FMR1: variants seen among roughly 807,000 people sequenced by gnomAD.
FMR1 encodes fragile X messenger ribonucleoprotein 1, also known as FMRP translational regulator 1.
FMR1 carries 13 observed loss-of-function variants against 50.6 expected under a neutral mutation model. The ratio of observed to expected loss-of-function variants is 0.26; its 90% CI spans 0.17 to 0.41. The LOEUF (loss-of-function observed/expected upper bound fraction) is 0.41. Among genes scored for constraint, FMR1 ranks in the 10% least tolerant of loss-of-function variants. The pLI is 1.00. For missense variants in FMR1, 316 were observed against 491.3 expected, an observed-to-expected ratio of 0.64 and a Z score of 3.37; for synonymous variants, 138 against 164.1, an observed-to-expected ratio of 0.84 and a Z score of 1.22.
chrX:147,911,962 A>T lies in FMR1; in HGVS notation c.-218A>T, dbSNP rs782530523. 1 of 106,972 alleles carries T rather than the reference A, an allele frequency of 9.3e-6. No homozygotes were observed. The highest frequency in any genetic ancestry group is 2.0e-5 in the Non-Finnish European group (1 of 51,192). The allele number at this position is 106,972 out of a possible 1,213,427, so 8.8% of individuals were successfully genotyped here. ...TCCGTTTCGGTTTCACTTCCGGTGGAGGGCCGCCTCTGAGCGGGCGGCGGG... is the reference window on the plus strand; with the variant it reads ...TCCGTTTCGGTTTCACTTCCGGTGGTGGGCCGCCTCTGAGCGGGCGGCGGG... On this transcript the variant is annotated 5_prime_UTR_variant, in exon 1 of 17. Transcript: ENST00000370475.
intron 11 of FMR1, 96 bp from the exon 12 acceptor site, chrX:147,938,003 G>T: frequency 1.5e-6 from 1 of 661,747 alleles, no homozygotes. Flanking sequence ...TTTAGAAATG[G>T]GTTTAAAAGT....
rs1557181239 is a variant in FMR1, at chrX:147,943,074, G to A, written c.1276-57G>A. ...TTTTTATCTGATGAAAAGGAGAAAGGTTTTATTAAGTAAAATGTCAAATTA... is the reference window on the plus strand; with the variant it reads ...TTTTTATCTGATGAAAAGGAGAAAGATTTTATTAAGTAAAATGTCAAATTA... On this transcript the variant is annotated intron_variant, in intron 13 of 16. Coordinates refer to ENST00000370475, the MANE Select transcript of FMR1 (RefSeq NM_002024.6). 6 of 1,008,087 alleles carry A rather than the reference G, an allele frequency of 6.0e-6. No individual in the cohort carries two copies. In the Admixed American group the frequency reaches 1.3e-4, roughly 22 times the overall value. 83.1% of individuals were successfully genotyped at this position (1,008,087 alleles called of 1,213,427 possible).
chrX:147,930,234 A>G lies in FMR1; in HGVS notation c.620A>G (p.Lys207Arg). The G allele has an allele frequency of 8.6e-7, 1 of 1,161,988 alleles. No homozygotes were observed. Among genetic ancestry groups the G allele is most frequent in the Non-Finnish European group, 1.2e-6 (1 of 850,232 alleles). The change falls in exon 7 of 17, where the codon AAG becomes AGG. Residue 207 changes from lysine (K) to arginine (R), a missense_variant. Lys to Arg is a conservative substitution (Grantham distance 26). Around this residue, in one of 4 missense-constraint regions of FMR1, gnomAD observed 124 missense variants for 238.1 expected, o/e 0.52. Coordinates refer to ENST00000370475, the MANE Select transcript of FMR1 (RefSeq NM_002024.6). ...ATAATGAGAAATGAAGAAGCTAGTA[A>G]GCAGCTGGAGGTATGTCACTTTCCC... is the stretch of plus-strand genomic sequence containing the variant. ...SLIMRNEEASKQLESSRQLAS... is the reference protein window; with the variant it reads ...SLIMRNEEASRQLESSRQLAS...
At chrX:147,935,143 A>C (rs924000248) in intron 9 of FMR1, among the ~76,000 whole-genome samples, 2 of 112,040 alleles carry the variant, frequency 1.8e-5, no homozygotes, top group Non-Finnish European at 3.8e-5. Flanking sequence ...TTAAAATCAA[A>C]CTGTGTGAAG....
rs1557182669 is a variant in FMR1, at chrX:147,948,805, C to T, written c.1860C>T (p.Ser620=). 1.7e-6 allele frequency: 2 copies of T among 1,210,895 alleles called. No individual in the cohort carries two copies. The highest frequency in any genetic ancestry group is 2.2e-6 in the Non-Finnish European group (2 of 894,905). ...DRNQKKEKPD[S]VDGQQPLVNG... is the part of the protein sequence containing the mutation. Reference sequence around the variant, plus strand: ...ACCAGAAGAAAGAGAAGCCAGACAGCGTGGATGGTCAGCAACCACTCGTGA... The same window carrying T: ...ACCAGAAGAAAGAGAAGCCAGACAGTGTGGATGGTCAGCAACCACTCGTGA... Residue 620 remains serine, a synonymous_variant, in exon 17 of 17, where the codon AGC becomes AGT. Coordinates refer to ENST00000370475, the MANE Select transcript of FMR1 (RefSeq NM_002024.6).
intron 15 of FMR1, 128 bp from the exon 16 acceptor site, chrX:147,945,406 G>A (rs2044140149): frequency 1.8e-6 from 1 of 544,457 alleles, no homozygotes; most frequent in African/African-American, 2.3e-5. Context: ...TGTGTAACTG[G>A]AATCACTGGG....
At chrX:147,925,962 G>A (rs1056740436) in intron 3 of FMR1, among the ~76,000 whole-genome samples, 3 of 111,897 alleles carry the variant, frequency 2.7e-5, no homozygotes, top group Non-Finnish European at 3.8e-5. Context: ...CCCATTGTAA[G>A]CAAAATGGAT....
At chrX:147,943,360 C>G in intron 14 of FMR1, 34 bp downstream of exon 14, 4 of 1,100,594 alleles carry the variant, frequency 3.6e-6, no homozygotes, top group Non-Finnish European at 5.0e-6. Flanking sequence ...GTAACTTTAT[C>G]TGTTCCTAGA....
chrX:147,912,958 G>C (rs1305808018), intron 1 of FMR1: 5 of 278,013 alleles, frequency 1.8e-5, no homozygotes, highest in Non-Finnish European at 3.1e-5. Flanking sequence ...TTTGTTAAAC[G>C]GGGTAAATTC....
At chrX:147,915,583 T>TA (rs1557175007) in intron 1 of FMR1, among the ~76,000 whole-genome samples, 1 of 111,379 alleles carries the variant, frequency 9.0e-6, no homozygotes, top group Admixed American at 9.5e-5. Flanking sequence ...ACCCCATACT[T>TA]AAATATTCTC....
chrX:147,934,153 AG>A (rs1557179276), intron 9 of FMR1, among the ~76,000 whole-genome samples: 4 of 110,911 alleles, frequency 3.6e-5, no homozygotes, highest in African/African-American at 1.3e-4. Flanking sequence ...GTAGTTAGAA[AG>A]GTTATTGTAA....
At chrX:147,932,973 G>T (rs1372173863) in intron 9 of FMR1, among the ~76,000 whole-genome samples, 1 of 109,034 alleles carries the variant, frequency 9.2e-6, no homozygotes, top group Admixed American at 9.8e-5. Flanking sequence ...GTATACACGT[G>T]ACATGCTGGT....
chrX:147,937,329 C>T (rs182865644), intron 10 of FMR1, 137 bp from the exon 11 acceptor site: 7 of 464,142 alleles, frequency 1.5e-5, no homozygotes, highest in Admixed American at 3.7e-5. Flanking sequence ...AATTTGTATT[C>T]GGTAATTTTA....
At position 147,950,942 on chromosome X, in the gene FMR1, A is replaced by G. The variant is rs1557183662; in HGVS notation, c.*2098A>G. ...TACTAACTTCTAAAACTGTACTTTG[A>G]TTCACATGTTTTCAAATGGAGTTGG... On this transcript the variant is annotated 3_prime_UTR_variant, in exon 17 of 17. Coordinates refer to ENST00000370475, the MANE Select transcript of FMR1 (RefSeq NM_002024.6). The G allele has an allele frequency of 3.6e-6, 1 of 277,798 alleles. No homozygotes were observed. The highest frequency in any genetic ancestry group is 6.8e-6 in the Non-Finnish European group (1 of 147,275). The allele number at this position is 277,798 out of a possible 1,213,427, so 22.9% of individuals were successfully genotyped here.
intron 13 of FMR1, among the ~76,000 whole-genome samples, chrX:147,940,976 G>GT (rs2043982511): frequency 9.0e-6 from 1 of 111,283 alleles, no homozygotes. Flanking sequence ...TAGCATTTTG[G>GT]TTTTTTCCAG....
At chrX:147,928,229 G>A (rs1476017045) in intron 3 of FMR1, 93 bp from the exon 4 acceptor site, 1 of 789,882 alleles carries the variant, frequency 1.3e-6, no homozygotes. Context: ...GACACCTAGG[G>A]GCATTTTAAG....
chrX:147,928,533 C>T (rs2043469992), intron 4 of FMR1, 126 bp from the exon 5 acceptor site: 1 of 733,632 alleles, frequency 1.4e-6, no homozygotes, highest in African/African-American at 2.2e-5. Context: ...ACTATGTGTT[C>T]AGTATGTTTC....
chrX:147,946,979 G>A (rs2044189104), intron 16 of FMR1: 1 of 112,298 alleles, frequency 8.9e-6, no homozygotes, highest in Non-Finnish European at 1.9e-5. Context: ...TACCCGTTTT[G>A]TAATTTTCCA....
intron 15 of FMR1, among the ~76,000 whole-genome samples, chrX:147,945,300 C>T (rs1557181734): frequency 1.8e-5 from 2 of 112,098 alleles, no homozygotes; most frequent in African/African-American, 6.5e-5. Context: ...GTCTAAACAG[C>T]ATCCCTTCAT....
Sources: gnomAD v4.1 joint callset for allele counts (sites outside exome capture counted in the v4.1 genomes callset) on GRCh38, gnomAD v4.1.1 for gene constraint, gnomAD v4.1.1 regional missense constraint, MANE v1.5 for transcripts, NCBI Gene and HGNC (gene_info 2026-07-23, HGNC 2026-07-21) for gene names.